FBXO40: variants seen among roughly 807,000 people sequenced by gnomAD.
The protein encoded by FBXO40 is F-box protein 40, also known as F-box only protein 40.
FBXO40 carries 50 observed loss-of-function variants against 49.9 expected under a neutral mutation model. The observed-to-expected ratio is 1.00, with a 90% CI of 0.80 to 1.27. The LOEUF (loss-of-function observed/expected upper bound fraction) is 1.27, where lower values mean the gene tolerates loss of function less well. FBXO40 is among the 50% of genes most tolerant of loss of function. The pLI, the probability that FBXO40 is intolerant of heterozygous loss-of-function variation, is 0.00. For synonymous variants in FBXO40, 340 were observed against 320.2 expected (o/e 1.06, Z -0.66); for missense variants, 895 against 870.1 (o/e 1.03, Z -0.36).
At position 121,629,733 on chromosome 3, in the gene FBXO40, G is replaced by A. The variant is rs2049082964; in HGVS notation, c.*2823G>A. On this transcript the variant is annotated 3_prime_UTR_variant, in exon 4 of 4. Coordinates refer to ENST00000338040, the MANE Select transcript of FBXO40 (RefSeq NM_016298.4). ...CGTACTGAAGCACGAGCTTCAATAA[G>A]ACAAGCACACTTCATAGTGAGAGGG... is the stretch of plus-strand genomic sequence containing the variant. The A allele has an allele frequency of 6.6e-6, 1 of 152,242 alleles. No individual in the cohort carries two copies. The highest frequency in any genetic ancestry group is 6.5e-5 in the Admixed American group (1 of 15,288). 9.4% of individuals were successfully genotyped at this position (152,242 alleles called of 1,614,324 possible).
In FBXO40 at chr3:121,623,026, A is replaced by G; in HGVS notation, c.1597A>G (p.Lys533Glu). The change falls in exon 3 of 4, where the codon AAA becomes GAA. Residue 533 changes from lysine (K) to glutamate (E), a missense_variant. Lys to Glu is a moderately conservative substitution (Grantham distance 56, BLOSUM62 1). Transcript: ENST00000338040. Reference protein sequence around the residue: ...NHFRPPGQKAKVIYSQELKTF... With the variant: ...NHFRPPGQKAEVIYSQELKTF... ...TTTCCGTCCCCCAGGGCAAAAGGCAAAAGTAATCTATAGCCAGGAGCTCAA... is the reference window on the plus strand; with the variant it reads ...TTTCCGTCCCCCAGGGCAAAAGGCAGAAGTAATCTATAGCCAGGAGCTCAA... 6.2e-7 allele frequency: 1 copy of G among 1,614,228 alleles called. No homozygotes were observed. Among genetic ancestry groups the G allele is most frequent in the South Asian group, 1.1e-5 (1 of 91,080 alleles).
In FBXO40 at chr3:121,627,789, T is replaced by C. The variant is rs929828399; in HGVS notation, c.*879T>C. On this transcript the variant is annotated 3_prime_UTR_variant, in exon 4 of 4. Coordinates refer to ENST00000338040, the MANE Select transcript of FBXO40 (RefSeq NM_016298.4). ...CCTGTGCTATCTGAAATGACCTCAATACACTAATGCCAACCTCAGCGTCAT... is the reference window on the plus strand; with the variant it reads ...CCTGTGCTATCTGAAATGACCTCAACACACTAATGCCAACCTCAGCGTCAT... The C allele has an allele frequency of 2.5e-6, 1 of 398,490 alleles. No homozygotes were observed. The highest frequency in any genetic ancestry group is 2.1e-5 in the African/African-American group (1 of 48,646). The allele number at this position is 398,490 out of a possible 1,614,324, so 24.7% of individuals were successfully genotyped here. A position where few individuals can be genotyped will look rare whatever the true frequency, so the allele number is the denominator to read the frequency against.
chr3:121,620,894 T>C (rs1185601623), intron 2 of FBXO40, among the ~76,000 whole-genome samples: 1 of 152,248 alleles, frequency 6.6e-6, no homozygotes, highest in Non-Finnish European at 1.5e-5. Flanking sequence ...CCAGGTCCCA[T>C]GCTAGATGCT....
intron 2 of FBXO40, 49 bp downstream of exon 2, chr3:121,620,627 T>G: frequency 6.2e-7 from 1 of 1,611,800 alleles, no homozygotes; most frequent in Non-Finnish European, 8.5e-7. Flanking sequence ...GGTCCAGGTC[T>G]TCCTTCATTT....
chr3:121,605,878 C>T (rs1303618141), intron 1 of FBXO40, among the ~76,000 whole-genome samples: 1 of 152,138 alleles, frequency 6.6e-6, no homozygotes, highest in African/African-American at 2.4e-5. Context: ...CCAGGGCAAG[C>T]CTGAGATGCT....
At chr3:121,625,541 C>T (rs550623873) in intron 3 of FBXO40, among the ~76,000 whole-genome samples, 7 of 152,148 alleles carry the variant, frequency 4.6e-5, no homozygotes, top group South Asian at 4.1e-4. Context: ...CAACCAAGCA[C>T]GTATTAGGAA....
Position 121,612,550 on chromosome 3 carries a change from G to A in FBXO40, c.-30-7996G>A, listed in dbSNP as rs967942083. ...ACTTGCATAAGTGGTCATGAATTAT[G>A]TCTAGTCCTTCATTTTTCTCTCCTT... On this transcript the variant is annotated intron_variant, in intron 1 of 3. Coordinates refer to ENST00000338040, the MANE Select transcript of FBXO40 (RefSeq NM_016298.4). Among the ~76,000 whole-genome samples, 4 of 152,152 alleles carry A rather than the reference G, an allele frequency of 2.6e-5. 1 individual carries two copies. The highest frequency in any genetic ancestry group is 4.1e-4 in the South Asian group (2 of 4,832).
At chr3:121,596,419 CT>C (rs1437759013) in intron 1 of FBXO40, among the ~76,000 whole-genome samples, 1 of 152,216 alleles carries the variant, frequency 6.6e-6, no homozygotes, top group Non-Finnish European at 1.5e-5. Flanking sequence ...AAAACAGACC[CT>C]TTCCTTTCAA....
intron 1 of FBXO40, among the ~76,000 whole-genome samples, chr3:121,610,794 C>T (rs1054707110): frequency 2.0e-5 from 3 of 152,182 alleles, no homozygotes; most frequent in Non-Finnish European, 4.4e-5. Flanking sequence ...GCACATGCCA[C>T]CACATACGGC....
At chr3:121,593,532 A>G (rs2048854735) in intron 1 of FBXO40, 30 bp downstream of exon 1, 1 of 152,178 alleles carries the variant, frequency 6.6e-6, no homozygotes, top group Admixed American at 6.5e-5. Flanking sequence ...CAGGTGCACC[A>G]TGACGAGGAC....
chr3:121,620,615 G>A (rs1485632988), intron 2 of FBXO40, 37 bp downstream of exon 2: 2 of 1,613,926 alleles, frequency 1.2e-6, no homozygotes, highest in Non-Finnish European at 1.7e-6. Flanking sequence ...TCACCATTGA[G>A]AGGTCCAGGT....
rs779476598 is a variant in FBXO40, at chr3:121,620,569, G to A, written c.-7G>A. 1 of 1,613,976 alleles carries A rather than the reference G, an allele frequency of 6.2e-7. No individual in the cohort carries two copies. The highest frequency in any genetic ancestry group is 1.7e-5 in the Admixed American group (1 of 60,004). On this transcript the variant is annotated 5_prime_UTR_variant, in exon 2 of 4. Coordinates refer to ENST00000338040, the MANE Select transcript of FBXO40 (RefSeq NM_016298.4). Reference sequence around the variant, plus strand: ...AGAGCTAAGAAGCAAGAAGAAATTGGGGCGCCATGGTAAGCACCAGGAGCT... The same window carrying A: ...AGAGCTAAGAAGCAAGAAGAAATTGAGGCGCCATGGTAAGCACCAGGAGCT...
At chr3:121,615,098 G>A (rs941630105) in intron 1 of FBXO40, among the ~76,000 whole-genome samples, 4 of 151,974 alleles carry the variant, frequency 2.6e-5, no homozygotes, top group African/African-American at 7.2e-5. Flanking sequence ...CCAGCTACTC[G>A]GGAGGCTGAG....
In FBXO40 at chr3:121,607,488, T is replaced by C. The variant is rs567072169; in HGVS notation, c.-30-13058T>C. Reference sequence around the variant, plus strand: ...CCACGCCCGGCTAATTTTTTGTATTTTTAGTAGAGACAGGGTTTCACTGTG... The same window carrying C: ...CCACGCCCGGCTAATTTTTTGTATTCTTAGTAGAGACAGGGTTTCACTGTG... On this transcript the variant is annotated intron_variant, in intron 1 of 3. Coordinates refer to ENST00000338040, the MANE Select transcript of FBXO40 (RefSeq NM_016298.4). Among the ~76,000 whole-genome samples, 25 of 151,612 alleles carry C rather than the reference T, an allele frequency of 1.6e-4. No individual in the cohort carries two copies. In the South Asian group the frequency reaches 5.2e-3, roughly 32 times the overall value.
At chr3:121,595,577 G>T (rs894561164) in intron 1 of FBXO40, among the ~76,000 whole-genome samples, 2 of 152,200 alleles carry the variant, frequency 1.3e-5, no homozygotes, top group Non-Finnish European at 2.9e-5. Flanking sequence ...GAAGTGGAAT[G>T]GATCTGGGAG....
intron 1 of FBXO40, among the ~76,000 whole-genome samples, chr3:121,606,681 G>GACTTAATT (rs2048933439): frequency 6.6e-6 from 1 of 152,152 alleles, no homozygotes. Flanking sequence ...AATGCAAAAG[G>GACTTAATT]ACTTAATTAT....
chr3:121,599,468 C>CAA (rs35637771), intron 1 of FBXO40, among the ~76,000 whole-genome samples: 8 of 91,666 alleles, frequency 8.7e-5, no homozygotes, highest in African/African-American at 2.7e-4. Context: ...GACTCTGACT[C>CAA]AAAAAAAAAA....
Position 121,627,300 on chromosome 3 carries a change from A to G in FBXO40, c.*390A>G. ...TGCTTTTACATGGGCTTTTTAGTTCACAAAGCACTTTCAAATTTATGGGAC... is the reference window on the plus strand; with the variant it reads ...TGCTTTTACATGGGCTTTTTAGTTCGCAAAGCACTTTCAAATTTATGGGAC... On this transcript the variant is annotated 3_prime_UTR_variant, in exon 4 of 4. Coordinates refer to ENST00000338040, the MANE Select transcript of FBXO40 (RefSeq NM_016298.4). 1.1e-5 allele frequency: 2 copies of G among 186,392 alleles called. No individual in the cohort carries two copies. Among genetic ancestry groups the G allele is most frequent in the South Asian group, 2.4e-4 (2 of 8,278 alleles). The allele number at this position is 186,392 out of a possible 1,614,324, so 11.5% of individuals were successfully genotyped here.
rs763912687 is a variant in FBXO40 at position 121,626,913 on chromosome 3, A to C, written c.*3A>C. 7 of 1,613,602 alleles carry C rather than the reference A, an allele frequency of 4.3e-6. No individual in the cohort carries two copies. The highest frequency in any genetic ancestry group is 5.1e-6 in the Non-Finnish European group (6 of 1,179,678). ...CACGAGGAAGATACGTCTCCTAAAA[A>C]TTCAGATGCCACTCGATGCACCCTT... On this transcript the variant is annotated 3_prime_UTR_variant, in exon 4 of 4. Coordinates refer to ENST00000338040, the MANE Select transcript of FBXO40 (RefSeq NM_016298.4).
Sources: gnomAD v4.1 joint callset for allele counts (sites outside exome capture counted in the v4.1 genomes callset) on GRCh38, gnomAD v4.1.1 for gene constraint, MANE v1.5 for transcripts, NCBI Gene and HGNC (gene_info 2026-07-23, HGNC 2026-07-21) for gene names.